ADK: variants seen among roughly 807,000 people sequenced by gnomAD.
ADK encodes the protein N6,N6-dimethyladenosine kinase.
Under a neutral mutation model 44.7 loss-of-function variants are expected in ADK, and 24 were observed. The ratio of observed to expected loss-of-function variants is 0.54; its 90% CI spans 0.39 to 0.76. ADK has a LOEUF of 0.76. Among genes scored for constraint, ADK ranks in the 30% least tolerant of loss-of-function variants. The pLI is 0.00. For missense variants in ADK, 321 were observed against 425.1 expected (o/e 0.76, Z 2.15); for synonymous variants, 128 against 142.6 (o/e 0.90, Z 0.73).
At chr10:74,695,622 GT>G (rs1564856899) in intron 10 of ADK, among the ~76,000 whole-genome samples, 3,130 of 39,810 alleles carry the variant, frequency 0.079, 121 homozygotes, top group African/African-American at 0.18. Flanking sequence ...TGTGTGGGGT[GT>G]GTGTGTGTGT....
intron 5 of ADK, among the ~76,000 whole-genome samples, chr10:74,395,064 A>G (rs1344646789): frequency 6.6e-6 from 1 of 152,186 alleles, no homozygotes; most frequent in Non-Finnish European, 1.5e-5. Context: ...TGCAAGGGAA[A>G]AACAAAATAA....
At chr10:74,522,405 C>A (rs922962029) in intron 6 of ADK, among the ~76,000 whole-genome samples, 3 of 152,086 alleles carry the variant, frequency 2.0e-5, no homozygotes, top group African/African-American at 7.2e-5. Flanking sequence ...TCAGAGTGAC[C>A]TTGCTTCTGC....
At chr10:74,622,765 T>C (rs1043596796) in intron 9 of ADK, among the ~76,000 whole-genome samples, 3 of 152,080 alleles carry the variant, frequency 2.0e-5, no homozygotes, top group Non-Finnish European at 4.4e-5. Flanking sequence ...CCTAGCACTT[T>C]GGGAGGCCAA....
intron 5 of ADK, among the ~76,000 whole-genome samples, chr10:74,395,980 C>T (rs1408200622): frequency 6.6e-6 from 1 of 152,158 alleles, no homozygotes; most frequent in Non-Finnish European, 1.5e-5. Context: ...TATTGCGCTC[C>T]AGCCTGGGCA....
intron 4 of ADK, among the ~76,000 whole-genome samples, chr10:74,381,846 C>A (rs919308721): frequency 1.3e-5 from 2 of 152,142 alleles, no homozygotes; most frequent in South Asian, 2.1e-4. Flanking sequence ...CTTTGCCTTA[C>A]GTTTTTGATG....
intron 7 of ADK, among the ~76,000 whole-genome samples, chr10:74,526,598 A>G (rs182993916): frequency 9.2e-5 from 14 of 152,352 alleles, no homozygotes; most frequent in Admixed American, 3.9e-4. Flanking sequence ...TAACATAAAA[A>G]TTGACCTGGA....
chr10:74,646,691 G>A (rs1214675316), intron 9 of ADK, among the ~76,000 whole-genome samples: 1 of 152,166 alleles, frequency 6.6e-6, no homozygotes, highest in Non-Finnish European at 1.5e-5. Flanking sequence ...GCAATCAAGT[G>A]CAGTCTTCAG....
chr10:74,185,481 C>G (rs955243396), intron 1 of ADK, among the ~76,000 whole-genome samples: 2 of 151,484 alleles, frequency 1.3e-5, no homozygotes, highest in Non-Finnish European at 2.9e-5. Flanking sequence ...AAACACATTT[C>G]CCTAGTCTGT....
chr10:74,357,180 T>C (rs1434951999), intron 4 of ADK, among the ~76,000 whole-genome samples: 3 of 152,196 alleles, frequency 2.0e-5, no homozygotes, highest in African/African-American at 7.2e-5. Flanking sequence ...GAGTAATAAA[T>C]TGTCTTTGTT....
At chr10:74,289,494 A>G (rs1263352297) in intron 3 of ADK, among the ~76,000 whole-genome samples, 1 of 152,072 alleles carries the variant, frequency 6.6e-6, no homozygotes, top group African/African-American at 2.4e-5. Context: ...AAGCTAAAAC[A>G]CTTAAAAAAA....
chr10:74,157,387 TAAAAG>T (rs564663022), intron 1 of ADK, among the ~76,000 whole-genome samples: 1,943 of 150,918 alleles, frequency 0.013, 47 homozygotes, highest in African/African-American at 0.045. Flanking sequence ...TTAAAAAAGA[TAAAAG>T]AAATAATGGT....
chr10:74,218,960 C>A (rs1176837032), intron 2 of ADK, among the ~76,000 whole-genome samples: 1 of 152,086 alleles, frequency 6.6e-6, no homozygotes, highest in Non-Finnish European at 1.5e-5. Flanking sequence ...ACTGCATCAA[C>A]TAACGAGCAA....
intron 6 of ADK, among the ~76,000 whole-genome samples, chr10:74,431,995 G>A (rs1456698180): frequency 6.6e-6 from 1 of 151,912 alleles, no homozygotes; most frequent in Admixed American, 6.6e-5. Context: ...AATTTAAGAC[G>A]AGCCTGGTCA....
At chr10:74,481,043 A>G (rs185791533) in intron 6 of ADK, among the ~76,000 whole-genome samples, 96 of 151,032 alleles carry the variant, frequency 6.4e-4, no homozygotes, top group African/African-American at 2.2e-3. Flanking sequence ...TTTTCAGTGT[A>G]CCTTTTTAGA....
At chr10:74,157,232 G>A (rs1382930095) in intron 1 of ADK, among the ~76,000 whole-genome samples, 1 of 152,032 alleles carries the variant, frequency 6.6e-6, no homozygotes, top group Admixed American at 6.6e-5. Context: ...CAGAACCCCT[G>A]GGAAAAGAGG....
intron 4 of ADK, among the ~76,000 whole-genome samples, chr10:74,315,013 G>A (rs1484638392): frequency 1.3e-5 from 2 of 151,842 alleles, no homozygotes; most frequent in Non-Finnish European, 2.9e-5. Flanking sequence ...AATTTTTCAT[G>A]TTACAGATTT....
In ADK at chr10:74,254,290, G is replaced by A. The variant is rs1845748457; in HGVS notation, c.194+29699G>A. ...GGCATTTGTTAGCCTTTTAAAGTTA[G>A]TGTTTAGTTGTAATTTATTTTCTCA... On this transcript the variant is annotated intron_variant, in intron 3 of 10. Transcript: ENST00000539909. Among the ~76,000 whole-genome samples the A allele has an allele frequency of 2.0e-5, 3 of 152,112 alleles. No homozygotes were observed. The South Asian group carries it at 6.2e-4, about 32-fold the overall frequency.
intron 3 of ADK, among the ~76,000 whole-genome samples, chr10:74,299,186 C>T (rs1346600676): frequency 2.0e-5 from 3 of 151,998 alleles, no homozygotes; most frequent in Non-Finnish European, 2.9e-5. Context: ...TGTGTTGCTA[C>T]TGATAGTAGT....
At chr10:74,620,711 T>C (rs554492423) in intron 9 of ADK, among the ~76,000 whole-genome samples, 4 of 152,262 alleles carry the variant, frequency 2.6e-5, no homozygotes, top group Non-Finnish European at 4.4e-5. Flanking sequence ...TGCTTTTTTT[T>C]TCTCTTTTTA....
Sources: gnomAD v4.1 joint callset for allele counts (sites outside exome capture counted in the v4.1 genomes callset) on GRCh38, gnomAD v4.1.1 for gene constraint, MANE v1.5 for transcripts, NCBI Gene and HGNC (gene_info 2026-07-23, HGNC 2026-07-21) for gene names.